JAKMIP2: variants seen among roughly 807,000 people sequenced by gnomAD.
JAKMIP2 encodes the protein janus kinase and microtubule-interacting protein 2.
JAKMIP2 carries 25 observed loss-of-function variants against 115.0 expected under a neutral mutation model. The ratio of observed to expected loss-of-function variants is 0.22; its 90% CI spans 0.16 to 0.30. JAKMIP2 has a LOEUF of 0.30. Among genes scored for constraint, JAKMIP2 ranks in the 10% least tolerant of loss-of-function variants. The pLI, the probability that JAKMIP2 is intolerant of heterozygous loss-of-function variation, is 1.00. For missense variants in JAKMIP2, 642 were observed against 957.6 expected, an observed-to-expected ratio of 0.67 and a Z score of 4.35; for synonymous variants, 334 against 343.6, an observed-to-expected ratio of 0.97 and a Z score of 0.31.
intron 1 of JAKMIP2, among the ~76,000 whole-genome samples, chr5:147,779,495 A>G (rs1755681362): frequency 6.6e-6 from 1 of 152,096 alleles, no homozygotes; most frequent in African/African-American, 2.4e-5. Flanking sequence ...TACATTTTTC[A>G]AAATTAACTA....
chr5:147,744,149 C>G (rs187786077), intron 1 of JAKMIP2, among the ~76,000 whole-genome samples: 2 of 152,066 alleles, frequency 1.3e-5, no homozygotes, highest in East Asian at 3.9e-4. Flanking sequence ...TGAACGAACA[C>G]AGCAAATTGG....
chr5:147,632,557 G>A (rs991243002), intron 13 of JAKMIP2, 123 bp downstream of exon 13: 8 of 674,456 alleles, frequency 1.2e-5, no homozygotes, highest in Non-Finnish European at 2.0e-5. Context: ...TTTTGAGGGT[G>A]ATTGTGAGGT....
intron 1 of JAKMIP2, among the ~76,000 whole-genome samples, chr5:147,748,688 A>G (rs1754442312): frequency 6.6e-6 from 1 of 152,210 alleles, no homozygotes; most frequent in Non-Finnish European, 1.5e-5. Flanking sequence ...GGCACTGGCC[A>G]GGTAGAGAAC....
rs554062572 is a variant in JAKMIP2, at chr5:147,707,520, G to A, written c.-148-35566C>T. 2.6e-5 allele frequency among the ~76,000 whole-genome samples: 4 copies of A among 151,932 alleles called. No homozygotes were observed. The East Asian group carries it at 7.7e-4, about 29-fold the overall frequency. On this transcript the variant is annotated intron_variant, in intron 1 of 21. Transcript: ENST00000616793. ...TAATACCACATTATCTCAGAGTGAC[G>A]CAGCCCCCTCCTAGGCCCCATGAGA...
At chr5:147,772,957 T>A (rs987218923) in intron 1 of JAKMIP2, among the ~76,000 whole-genome samples, 3 of 152,094 alleles carry the variant, frequency 2.0e-5, no homozygotes, top group African/African-American at 7.2e-5. Flanking sequence ...AGAATTTAGG[T>A]CTTTTTCTCA....
Position 147,613,643 on chromosome 5 carries a change from G to T in JAKMIP2, c.2347-1272C>A, listed in dbSNP as rs573471569. Among the ~76,000 whole-genome samples the T allele has an allele frequency of 8.1e-4, 123 of 152,238 alleles. 1 individual carries two copies. Among genetic ancestry groups the T allele is most frequent in the African/African-American group, 2.8e-3 (117 of 41,526 alleles). ...GACATTTTTGTACTGTCACAACTGG[G>T]AGTATGTGCATCTAGCATCTACTGA... is the stretch of plus-strand genomic sequence containing the variant. On this transcript the variant is annotated intron_variant, in intron 19 of 21. Coordinates refer to ENST00000616793, the MANE Select transcript of JAKMIP2 (RefSeq NM_001270941.2).
At chr5:147,690,666 G>C (rs1484311512) in intron 1 of JAKMIP2, among the ~76,000 whole-genome samples, 3 of 149,684 alleles carry the variant, frequency 2.0e-5, no homozygotes, top group Non-Finnish European at 4.4e-5. Context: ...GAGGTAACAG[G>C]GTCCATCTCA....
At position 147,590,205 on chromosome 5, in the gene JAKMIP2, A is replaced by G. The variant is rs1425555913; in HGVS notation, c.*1502T>C. On this transcript the variant is annotated 3_prime_UTR_variant, in exon 22 of 22. Coordinates refer to ENST00000616793, the MANE Select transcript of JAKMIP2 (RefSeq NM_001270941.2). ...TATGGAAAGATTTGTATAGCATTTC[A>G]TAGAAAGAGTTTCTGGCTCCCTACA... 2.0e-5 allele frequency: 3 copies of G among 152,230 alleles called. No individual in the cohort carries two copies. The highest frequency in any genetic ancestry group is 6.5e-5 in the Admixed American group (1 of 15,284). 9.4% of individuals were successfully genotyped at this position (152,230 alleles called of 1,614,324 possible). A position where few individuals can be genotyped will look rare whatever the true frequency, so the allele number is the denominator to read the frequency against.
intron 1 of JAKMIP2, among the ~76,000 whole-genome samples, chr5:147,781,314 C>G (rs536432347): frequency 1.0e-3 from 152 of 152,284 alleles, no homozygotes; most frequent in African/African-American, 2.6e-3. Flanking sequence ...TTCCTGGATA[C>G]TGAAGGAATG....
chr5:147,658,429 C>T (rs1424734258), intron 3 of JAKMIP2, among the ~76,000 whole-genome samples: 1 of 152,170 alleles, frequency 6.6e-6, no homozygotes, highest in African/African-American at 2.4e-5. Flanking sequence ...CCAGAGCTCT[C>T]CTGTATGAGG....
intron 1 of JAKMIP2, among the ~76,000 whole-genome samples, chr5:147,779,926 A>C (rs1054066075): frequency 3.3e-5 from 5 of 152,140 alleles, no homozygotes; most frequent in Admixed American, 2.6e-4. Flanking sequence ...TACTATGAGG[A>C]ACTTCTACAT....
At chr5:147,646,766 A>G (rs891065796) in intron 5 of JAKMIP2, among the ~76,000 whole-genome samples, 2 of 151,704 alleles carry the variant, frequency 1.3e-5, no homozygotes, top group African/African-American at 4.8e-5. Flanking sequence ...TTAAGCCAAG[A>G]AGTATTACCA....
At chr5:147,733,325 A>G (rs1251341945) in intron 1 of JAKMIP2, among the ~76,000 whole-genome samples, 1 of 152,234 alleles carries the variant, frequency 6.6e-6, no homozygotes, top group Non-Finnish European at 1.5e-5. Flanking sequence ...GAATGTCTTT[A>G]TGTTTATGCT....
Position 147,650,563 on chromosome 5 carries a change from C to A in JAKMIP2, c.628-16G>T. The A allele has an allele frequency of 3.8e-6, 6 of 1,578,640 alleles. No individual in the cohort carries two copies. The highest frequency in any genetic ancestry group is 4.3e-6 in the Non-Finnish European group (5 of 1,149,702). ...TTTCATCCATCTGAATTAAATGAGA[C>A]CCAGGACATTTTATTTAACAATGCT... On this transcript the variant is annotated splice_polypyrimidine_tract_variant and intron_variant, in intron 3 of 21. Coordinates refer to ENST00000616793, the MANE Select transcript of JAKMIP2 (RefSeq NM_001270941.2).
intron 1 of JAKMIP2, among the ~76,000 whole-genome samples, chr5:147,732,587 A>G (rs1469543909): frequency 1.3e-5 from 2 of 152,262 alleles, no homozygotes; most frequent in African/African-American, 4.8e-5. Context: ...GTATTCAGAT[A>G]GTAATAATGA....
chr5:147,710,802 T>C (rs1210353218), intron 1 of JAKMIP2, among the ~76,000 whole-genome samples: 3 of 152,162 alleles, frequency 2.0e-5, no homozygotes, highest in African/African-American at 7.2e-5. Flanking sequence ...TGGGAAACAG[T>C]TCTGAAATCT....
intron 8 of JAKMIP2, 25 bp downstream of exon 8, chr5:147,641,683 C>T: frequency 6.4e-7 from 1 of 1,558,248 alleles, no homozygotes; most frequent in Non-Finnish European, 8.8e-7. Flanking sequence ...GTGGCAAATG[C>T]CTGATAACTT....
intron 1 of JAKMIP2, among the ~76,000 whole-genome samples, chr5:147,769,901 C>G (rs1377317009): frequency 6.6e-6 from 1 of 151,988 alleles, no homozygotes; most frequent in Non-Finnish European, 1.5e-5. Context: ...ATATCAACAT[C>G]TTTCCTTAAA....
At chr5:147,735,153 G>A (rs1268981386) in intron 1 of JAKMIP2, among the ~76,000 whole-genome samples, 1 of 152,044 alleles carries the variant, frequency 6.6e-6, no homozygotes, top group South Asian at 2.1e-4. Context: ...TTGAGTGTTA[G>A]CTTTACCAAC....
Sources: allele counts gnomAD v4.1 joint callset (sites outside exome capture counted in the v4.1 genomes callset), GRCh38; gene constraint gnomAD v4.1.1; transcripts MANE v1.5; gene names NCBI Gene and HGNC (gene_info 2026-07-23, HGNC 2026-07-21).